Variants in IKZF1 observed in about 807,000 individuals in gnomAD.
IKZF1 encodes DNA-binding protein Ikaros.
IKZF1 carries 10 observed loss-of-function variants against 51.7 expected under a neutral mutation model. The observed-to-expected ratio is 0.19, with a 90% CI of 0.12 to 0.33. IKZF1 has a LOEUF of 0.33. Among genes scored for constraint, IKZF1 ranks in the 10% least tolerant of loss-of-function variants. IKZF1 has a pLI of 1.00. For missense variants in IKZF1, 484 were observed against 707.5 expected (o/e 0.68, Z 3.58); for synonymous variants, 280 against 282.3 (o/e 0.99, Z 0.08).
At chr7:50,370,333 A>G (rs1808288039) in intron 3 of IKZF1, among the ~76,000 whole-genome samples, 1 of 152,244 alleles carries the variant, frequency 6.6e-6, no homozygotes, top group African/African-American at 2.4e-5. Flanking sequence ...GGGGACTAAC[A>G]GTGTACATTA....
intron 3 of IKZF1, among the ~76,000 whole-genome samples, chr7:50,339,215 T>TGTGTGTGTG (rs1554339869): frequency 4.7e-5 from 6 of 126,402 alleles, no homozygotes; most frequent in African/African-American, 1.8e-4. Context: ...TTGGGTAGGG[T>TGTGTGTGTG]TGTGTGTGTG....
In IKZF1 at chr7:50,376,885, C is replaced by G. The variant is rs965370390; in HGVS notation, c.421+92C>G. The G allele has an allele frequency of 6.6e-7, 1 of 1,526,560 alleles. No homozygotes were observed. Among genetic ancestry groups the G allele is most frequent in the East Asian group, 2.3e-5 (1 of 43,626 alleles). The allele number at this position is 1,526,560 out of a possible 1,614,324, so 94.6% of individuals were successfully genotyped here. The stretch of plus-strand genomic sequence containing the variant: ...CATCCTGTCTTCCTTGTGTTCTGAG[C>G]ATGTTTCTAATTGACTGGTAGCTCA... On this transcript the variant is annotated intron_variant, in intron 4 of 7. Coordinates refer to ENST00000331340, the MANE Select transcript of IKZF1 (RefSeq NM_006060.6). The surrounding 1 kb of genome is among the most constrained non-coding windows in gnomAD (Gnocchi z 4.5).
chr7:50,403,199 G>T lies in IKZF1; in HGVS notation c.*2572G>T. ...AACACCATTTTTCTTTGAAACTATT[G>T]TATTTAAAGTAAGGTTTCATATTAT... On this transcript the variant is annotated 3_prime_UTR_variant, in exon 8 of 8. Coordinates refer to ENST00000331340, the MANE Select transcript of IKZF1 (RefSeq NM_006060.6). 4.6e-6 allele frequency: 1 copy of T among 218,760 alleles called. No individual in the cohort carries two copies. The highest frequency in any genetic ancestry group is 9.2e-6 in the Non-Finnish European group (1 of 109,080). The allele number at this position is 218,760 out of a possible 1,614,324, so 13.6% of individuals were successfully genotyped here.
chr7:50,327,587 A>C, intron 2 of IKZF1, 51 bp from the exon 3 acceptor site: 1 of 1,535,324 alleles, frequency 6.5e-7, no homozygotes, highest in Non-Finnish European at 8.8e-7. Flanking sequence ...GGGGAAGCCC[A>C]GGCACCTTGA....
At chr7:50,336,015 G>A (rs1797690377) in intron 3 of IKZF1, among the ~76,000 whole-genome samples, 1 of 152,208 alleles carries the variant, frequency 6.6e-6, no homozygotes, top group Admixed American at 6.5e-5. Context: ...CAGCTGCACT[G>A]ATATCATCAT....
chr7:50,396,865 G>A (rs567179432), intron 7 of IKZF1, among the ~76,000 whole-genome samples: 4 of 152,278 alleles, frequency 2.6e-5, no homozygotes, highest in African/African-American at 7.2e-5. Flanking sequence ...TACCTAGTTG[G>A]GGAATGCTTT....
In IKZF1 at chr7:50,404,379, G is replaced by T. The variant is rs573991722; in HGVS notation, c.*3752G>T. The T allele has an allele frequency of 1.0e-4, 23 of 226,778 alleles. No homozygotes were observed. The highest frequency in any genetic ancestry group is 3.6e-4 in the African/African-American group (16 of 45,048). The allele number at this position is 226,778 out of a possible 1,614,324, so 14.0% of individuals were successfully genotyped here. On this transcript the variant is annotated 3_prime_UTR_variant, in exon 8 of 8. Coordinates refer to ENST00000331340, the MANE Select transcript of IKZF1 (RefSeq NM_006060.6). ...CACTGGAGGAATAGAGTATCCTTTT[G>T]TACACATTTTGAAATGCTTCTTCTG...
chr7:50,383,290 T>A (rs1363316291), intron 5 of IKZF1, among the ~76,000 whole-genome samples: 1 of 152,146 alleles, frequency 6.6e-6, no homozygotes, highest in Non-Finnish European at 1.5e-5. Context: ...GCCTTTCTCT[T>A]TGAATTAGAC....
chr7:50,324,055 C>CT (rs1244601874), intron 2 of IKZF1, among the ~76,000 whole-genome samples: 4 of 152,196 alleles, frequency 2.6e-5, no homozygotes, highest in African/African-American at 9.7e-5. Flanking sequence ...TTTGAGATGC[C>CT]TGTTGGCTTG....
intron 7 of IKZF1, among the ~76,000 whole-genome samples, chr7:50,398,405 G>T (rs1375293182): frequency 6.6e-6 from 1 of 152,040 alleles, no homozygotes; most frequent in East Asian, 1.9e-4. Flanking sequence ...CCTTCACTCG[G>T]TCCTGCCACA....
intron 2 of IKZF1, among the ~76,000 whole-genome samples, chr7:50,327,166 A>G (rs1795232790): frequency 6.6e-6 from 1 of 152,236 alleles, no homozygotes; most frequent in South Asian, 2.1e-4. Flanking sequence ...TAGGATGTTC[A>G]TTACAGTGTT....
At chr7:50,390,405 A>C (rs1491003294) in intron 6 of IKZF1, among the ~76,000 whole-genome samples, 1 of 152,242 alleles carries the variant, frequency 6.6e-6, no homozygotes, top group Non-Finnish European at 1.5e-5. Context: ...GGTGTGGCCT[A>C]TATATGTTTG....
intron 3 of IKZF1, among the ~76,000 whole-genome samples, chr7:50,364,231 A>G (rs1017033009): frequency 3.3e-5 from 5 of 152,226 alleles, no homozygotes; most frequent in African/African-American, 1.2e-4. Flanking sequence ...AATTTTATGC[A>G]CAGCTAAATG....
chr7:50,399,257 T>A (rs1015349702), intron 7 of IKZF1, among the ~76,000 whole-genome samples: 15 of 152,344 alleles, frequency 9.8e-5, no homozygotes, highest in Admixed American at 9.8e-4. Flanking sequence ...AGAATTACTT[T>A]TGAGTATCCC....
At position 50,308,098 on chromosome 7, in the gene IKZF1, G is replaced by C. The variant is rs764912273; in HGVS notation, c.-15+3176G>C. Among the ~76,000 whole-genome samples, 303 of 152,160 alleles carry C rather than the reference G, an allele frequency of 2.0e-3. 3 individuals are homozygous for C. The highest frequency in any genetic ancestry group is 3.2e-3 in the Non-Finnish European group (218 of 68,016). On this transcript the variant is annotated intron_variant, in intron 1 of 7. Transcript: ENST00000331340. The stretch of plus-strand genomic sequence containing the variant: ...GTAGCTTTAGTTTGAGTTTTTAAAT[G>C]TTTGGTAATATTCCAACAAATATTT...
chr7:50,313,513 T>C (rs1231262639), intron 1 of IKZF1, among the ~76,000 whole-genome samples: 1 of 152,210 alleles, frequency 6.6e-6, no homozygotes, highest in Non-Finnish European at 1.5e-5. Flanking sequence ...AGTATATAAG[T>C]AGCATCCATC....
intron 2 of IKZF1, among the ~76,000 whole-genome samples, chr7:50,326,505 T>C (rs1795060442): frequency 1.3e-5 from 2 of 152,224 alleles, no homozygotes; most frequent in Non-Finnish European, 2.9e-5. Context: ...GCGGAAACTA[T>C]AGGAGTTGCA....
chr7:50,335,854 A>G (rs1332121858), intron 3 of IKZF1, among the ~76,000 whole-genome samples: 1 of 151,872 alleles, frequency 6.6e-6, no homozygotes, highest in Non-Finnish European at 1.5e-5. Flanking sequence ...GTGGGTAGGT[A>G]GGCCTGGCTC....
At chr7:50,381,164 T>A (rs2153475624) in intron 4 of IKZF1, among the ~76,000 whole-genome samples, 1 of 152,354 alleles carries the variant, frequency 6.6e-6, no homozygotes, top group South Asian at 2.1e-4. Context: ...CAATATAGAC[T>A]TTTAAATCTG....
Sources: allele counts gnomAD v4.1 joint callset (sites outside exome capture counted in the v4.1 genomes callset), GRCh38; gene constraint gnomAD v4.1.1; non-coding constraint Gnocchi (gnomAD v3.1); transcripts MANE v1.5; gene names NCBI Gene and HGNC (gene_info 2026-07-23, HGNC 2026-07-21).